The following IGF2BP3 variants were observed in gnomAD, a reference collection of about 807,000 sequenced individuals.
IGF2BP3 encodes insulin-like growth factor 2 mRNA-binding protein 3.
In IGF2BP3, 9 loss-of-function variants were observed where a neutral mutation model predicts 73.8. That is an observed-to-expected ratio of 0.12 (90% CI 0.07 to 0.21). IGF2BP3 has a LOEUF of 0.21. Among genes scored for constraint, IGF2BP3 ranks in the 10% least tolerant of loss-of-function variants. IGF2BP3 has a pLI of 1.00. For synonymous variants in IGF2BP3, 258 were observed against 256.7 expected, an observed-to-expected ratio of 1.01 and a Z score of -0.05; for missense variants, 542 against 714.0, an observed-to-expected ratio of 0.76 and a Z score of 2.75.
In IGF2BP3 at chr7:23,361,132, A is replaced by G. The variant is rs75304006; in HGVS notation, c.401+402T>C. On this transcript the variant is annotated intron_variant, in intron 5 of 14. Coordinates refer to ENST00000258729, the MANE Select transcript of IGF2BP3 (RefSeq NM_006547.3). ...TAACCAGTGAGTAAGAAGACTTATC[A>G]TTTAACACTGTTGTTTAACACATGA... Among the ~76,000 whole-genome samples, 198 of 152,314 alleles carry G rather than the reference A, an allele frequency of 1.3e-3. 1 individual carries two copies. Among genetic ancestry groups the G allele is most frequent in the African/African-American group, 4.6e-3 (193 of 41,566 alleles).
At chr7:23,418,927 T>C in intron 2 of IGF2BP3, 103 bp from the exon 3 acceptor site, 2 of 733,124 alleles carry the variant, frequency 2.7e-6, no homozygotes, top group Non-Finnish European at 4.5e-6. Context: ...TAACTCTATA[T>C]TAATTACAAA....
intron 10 of IGF2BP3, among the ~76,000 whole-genome samples, chr7:23,329,522 A>T (rs563112979): frequency 2.0e-5 from 3 of 152,374 alleles, no homozygotes; most frequent in Non-Finnish European, 2.9e-5. Flanking sequence ...ATTGGTAAAT[A>T]TTAAATTCCC....
intron 3 of IGF2BP3, among the ~76,000 whole-genome samples, chr7:23,392,784 C>G (rs901602148): frequency 6.6e-6 from 1 of 152,060 alleles, no homozygotes; most frequent in Non-Finnish European, 1.5e-5. Flanking sequence ...CGTGGGCCAC[C>G]ACGCCTGGCA....
intron 2 of IGF2BP3, among the ~76,000 whole-genome samples, chr7:23,426,908 A>C (rs1787527909): frequency 6.6e-6 from 1 of 152,232 alleles, no homozygotes; most frequent in Admixed American, 6.5e-5. Context: ...GAGTTATTCC[A>C]TAAAGAACAA....
intron 3 of IGF2BP3, among the ~76,000 whole-genome samples, chr7:23,404,859 C>A (rs1174563547): frequency 2.0e-5 from 3 of 152,246 alleles, no homozygotes; most frequent in Admixed American, 2.0e-4. Context: ...CTGTCACTCC[C>A]AATTGGTTTA....
chr7:23,374,635 C>T (rs924873165), intron 3 of IGF2BP3, among the ~76,000 whole-genome samples: 1 of 152,058 alleles, frequency 6.6e-6, no homozygotes, highest in Non-Finnish European at 1.5e-5. Context: ...TATGATGACG[C>T]CACTGCACTC....
chr7:23,463,918 C>T (rs1788505379), intron 2 of IGF2BP3, among the ~76,000 whole-genome samples: 1 of 152,160 alleles, frequency 6.6e-6, no homozygotes, highest in Non-Finnish European at 1.5e-5. Context: ...GAAAGATAAC[C>T]TAGTTTATAA....
At chr7:23,325,700 G>A (rs2128495028) in intron 10 of IGF2BP3, among the ~76,000 whole-genome samples, 1 of 152,150 alleles carries the variant, frequency 6.6e-6, no homozygotes, top group East Asian at 1.9e-4. Flanking sequence ...AACCAAAACA[G>A]CATGGGACTG....
chr7:23,350,366 A>G (rs1304355703), intron 6 of IGF2BP3, among the ~76,000 whole-genome samples: 1 of 152,232 alleles, frequency 6.6e-6, no homozygotes, highest in South Asian at 2.1e-4. Context: ...AGGCTTGCAC[A>G]ATGGTATTTT....
chr7:23,452,091 G>A (rs971317002), intron 2 of IGF2BP3, among the ~76,000 whole-genome samples: 5 of 151,310 alleles, frequency 3.3e-5, no homozygotes, highest in Non-Finnish European at 5.9e-5. Flanking sequence ...TGCAAGCTCC[G>A]CTTCCTGGGT....
chr7:23,381,373 T>C (rs369083604), intron 3 of IGF2BP3, among the ~76,000 whole-genome samples: 14 of 152,190 alleles, frequency 9.2e-5, no homozygotes, highest in African/African-American at 3.1e-4. Flanking sequence ...CAGTGCTCAA[T>C]AGGCTACACC....
At chr7:23,355,776 T>A (rs917729913) in intron 5 of IGF2BP3, among the ~76,000 whole-genome samples, 2 of 151,876 alleles carry the variant, frequency 1.3e-5, no homozygotes, top group South Asian at 4.2e-4. Flanking sequence ...CTACTAAAAG[T>A]ACAAAAATTA....
At chr7:23,453,115 G>A (rs1166515030) in intron 2 of IGF2BP3, among the ~76,000 whole-genome samples, 5 of 152,168 alleles carry the variant, frequency 3.3e-5, no homozygotes, top group Non-Finnish European at 5.9e-5. Flanking sequence ...GTGACAGAGC[G>A]AGACTCCGTC....
Position 23,334,525 on chromosome 7 carries a change from G to T in IGF2BP3, c.1203+7539C>A, listed in dbSNP as rs116860124. Among the ~76,000 whole-genome samples the T allele has an allele frequency of 1.4e-3, 207 of 152,276 alleles. 1 individual carries two copies. Among genetic ancestry groups the T allele is most frequent in the African/African-American group, 3.9e-3 (163 of 41,570 alleles). Reference sequence around the variant, plus strand: ...CCTAGGTTGGAAAAGGCCCATTAGCGTTACCCAGTCTTGTTACACATTCCT... The same window carrying T: ...CCTAGGTTGGAAAAGGCCCATTAGCTTTACCCAGTCTTGTTACACATTCCT... On this transcript the variant is annotated intron_variant, in intron 10 of 14. Transcript: ENST00000258729.
At chr7:23,367,743 G>A (rs932154427) in intron 3 of IGF2BP3, among the ~76,000 whole-genome samples, 1 of 152,102 alleles carries the variant, frequency 6.6e-6, no homozygotes, top group Non-Finnish European at 1.5e-5. Context: ...GCTCACGCCT[G>A]TAATCCCAGC....
At chr7:23,439,705 A>G (rs1787887576) in intron 2 of IGF2BP3, among the ~76,000 whole-genome samples, 1 of 152,192 alleles carries the variant, frequency 6.6e-6, no homozygotes, top group African/African-American at 2.4e-5. Context: ...CAGAGGATAC[A>G]AGTCTCTCAA....
At chr7:23,435,580 C>T (rs776361909) in intron 2 of IGF2BP3, among the ~76,000 whole-genome samples, 25 of 151,758 alleles carry the variant, frequency 1.6e-4, no homozygotes, top group Middle Eastern at 3.4e-3. Context: ...TTCAGCCTCC[C>T]GAGTAGCTGG....
chr7:23,319,020 T>A, intron 11 of IGF2BP3, 118 bp downstream of exon 11: 1 of 702,168 alleles, frequency 1.4e-6, no homozygotes, highest in Non-Finnish European at 2.4e-6. Flanking sequence ...TTTCTTCATA[T>A]CCTTATGTAA....
At chr7:23,467,797 G>A (rs981770167) in intron 2 of IGF2BP3, 1 of 152,736 alleles carries the variant, frequency 6.5e-6, no homozygotes, top group Non-Finnish European at 1.5e-5. Context: ...AGAAATCCCC[G>A]TCCTTAAGTA....
Sources: allele counts gnomAD v4.1 joint callset (sites outside exome capture counted in the v4.1 genomes callset), GRCh38; gene constraint gnomAD v4.1.1; transcripts MANE v1.5; gene names NCBI Gene and HGNC (gene_info 2026-07-23, HGNC 2026-07-21).